The following NFIA variants were observed in gnomAD, a reference collection of about 807,000 sequenced individuals.
The protein encoded by NFIA is nuclear factor 1 A-type.
Under a neutral mutation model 62.8 loss-of-function variants are expected in NFIA, and 8 were observed. The observed-to-expected ratio is 0.13, with a 90% CI of 0.07 to 0.23. NFIA has a LOEUF of 0.23. NFIA is among the 10% of genes least tolerant of loss of function. NFIA has a pLI of 1.00. For missense variants in NFIA, 410 were observed against 642.1 expected (o/e 0.64, Z 3.91); for synonymous variants, 235 against 238.1 (o/e 0.99, Z 0.12).
In NFIA at chr1:61,406,617, T is replaced by TGCCACG; in HGVS notation, c.1315_1316insGGCCAC (p.Pro438_Pro439insArgPro). 2 of 1,429,042 alleles carry TGCCACG rather than the reference T, an allele frequency of 1.4e-6. No individual in the cohort carries two copies. Among genetic ancestry groups the TGCCACG allele is most frequent in the Non-Finnish European group, 1.9e-6 (2 of 1,065,282 alleles). 88.5% of individuals were successfully genotyped at this position (1,429,042 alleles called of 1,614,324 possible). On this transcript the variant is annotated inframe_insertion, in exon 9 of 11. Coordinates refer to ENST00000403491, the MANE Select transcript of NFIA (RefSeq NM_001134673.4). ...AACCCATTCCTTCCCACCCCAATGT[T>TGCCACG]GCCACCGCCACCGCCACCACCGATG...
rs376292710 is a variant in NFIA, at chr1:61,362,902, T to C, written c.946+3628T>C. 1.1e-4 allele frequency among the ~76,000 whole-genome samples: 16 copies of C among 152,304 alleles called. No individual in the cohort carries two copies. The South Asian group carries it at 2.7e-3, about 26-fold the overall frequency. On this transcript the variant is annotated intron_variant, in intron 6 of 10. Transcript: ENST00000403491. ...TGCACATATCATCAACTCTTGTTTA[T>C]CTGTACAAATGAAGAATTACAGAGA...
In NFIA at chr1:61,220,897, C is replaced by G. The variant is rs567714287; in HGVS notation, c.560-56623C>G. Among the ~76,000 whole-genome samples, 3 of 152,252 alleles carry G rather than the reference C, an allele frequency of 2.0e-5. No homozygotes were observed. The East Asian group carries it at 5.8e-4, about 29-fold the overall frequency. On this transcript the variant is annotated intron_variant, in intron 2 of 10. Coordinates refer to ENST00000403491, the MANE Select transcript of NFIA (RefSeq NM_001134673.4). Reference sequence around the variant, plus strand: ...TCTTCTGTTGGCTGAAGGTATAAAACAAATAAATATAAATCCACATGTTAA... The same window carrying G: ...TCTTCTGTTGGCTGAAGGTATAAAAGAAATAAATATAAATCCACATGTTAA...
chr1:61,226,697 A>G (rs1654357025), intron 2 of NFIA, among the ~76,000 whole-genome samples: 1 of 152,144 alleles, frequency 6.6e-6, no homozygotes, highest in Admixed American at 6.5e-5. Context: ...CATCAGACAG[A>G]TATTATTAAA....
intron 2 of NFIA, 148 bp from the exon 3 acceptor site, chr1:61,277,372 C>T (rs966987927): frequency 1.4e-6 from 1 of 718,210 alleles, no homozygotes. Context: ...TTTCTCTTTC[C>T]ATCTTTTCTT....
At position 61,118,778 on chromosome 1, in the gene NFIA, G is replaced by T. The variant is rs370367645; in HGVS notation, c.559+30098G>T. 2.1e-4 allele frequency among the ~76,000 whole-genome samples: 32 copies of T among 151,972 alleles called. No homozygotes were observed. In the East Asian group the frequency reaches 4.3e-3, roughly 20 times the overall value. On this transcript the variant is annotated intron_variant, in intron 2 of 10. Coordinates refer to ENST00000403491, the MANE Select transcript of NFIA (RefSeq NM_001134673.4). The stretch of plus-strand genomic sequence containing the variant: ...TGACCTAAATAAAGTTCATATTGGC[G>T]GGAGAGCAGCTTGCCACAGGGTTAC...
chr1:61,359,007 C>T, intron 5 of NFIA, 140 bp from the exon 6 acceptor site: 1 of 1,201,924 alleles, frequency 8.3e-7, no homozygotes, highest in Non-Finnish European at 1.2e-6. Context: ...CCAGACTGAA[C>T]AGAAGTTTAA....
intron 2 of NFIA, among the ~76,000 whole-genome samples, chr1:61,243,708 G>A (rs1189303915): frequency 1.3e-5 from 2 of 152,164 alleles, no homozygotes; most frequent in South Asian, 2.1e-4. Flanking sequence ...ATTGCCTGAA[G>A]CATGACAAAA....
At chr1:61,448,348 GA>G (rs1479898661) in intron 10 of NFIA, among the ~76,000 whole-genome samples, 5 of 152,170 alleles carry the variant, frequency 3.3e-5, no homozygotes, top group African/African-American at 1.2e-4. Context: ...TGGGGAAATG[GA>G]ATTGACGCAG....
chr1:61,230,342 G>A (rs561664109), intron 2 of NFIA, among the ~76,000 whole-genome samples: 18 of 152,276 alleles, frequency 1.2e-4, no homozygotes, highest in Admixed American at 8.5e-4. Context: ...TGAATTATGA[G>A]AGTTATATGA....
intron 3 of NFIA, among the ~76,000 whole-genome samples, chr1:61,296,128 A>G (rs1002465157): frequency 1.2e-4 from 18 of 152,328 alleles, no homozygotes; most frequent in African/African-American, 4.3e-4. Flanking sequence ...AAGATTTTCA[A>G]ACATAATCTT....
intron 4 of NFIA, among the ~76,000 whole-genome samples, chr1:61,333,858 G>C (rs551009777): frequency 6.6e-6 from 1 of 152,140 alleles, no homozygotes; most frequent in South Asian, 2.1e-4. Flanking sequence ...AGATTAGCTG[G>C]GCATGGTGGT....
chr1:61,331,438 G>A (rs1395951512), intron 3 of NFIA, among the ~76,000 whole-genome samples: 1 of 152,078 alleles, frequency 6.6e-6, no homozygotes, highest in Non-Finnish European at 1.5e-5. Context: ...CCTCAGTATT[G>A]TATGAAATCT....
At chr1:61,407,825 T>C (rs997124472) in intron 9 of NFIA, among the ~76,000 whole-genome samples, 6 of 152,030 alleles carry the variant, frequency 3.9e-5, no homozygotes, top group African/African-American at 1.2e-4. Flanking sequence ...GAACGGGACA[T>C]GGTGGGGAGT....
rs201591191 is a variant in NFIA, at chr1:61,406,550, C to A, written c.1255-12C>A. On this transcript the variant is annotated splice_polypyrimidine_tract_variant and intron_variant, in intron 8 of 10. Coordinates refer to ENST00000403491, the MANE Select transcript of NFIA (RefSeq NM_001134673.4). ...CTTGTACGTGTGTTTTCTGCCCCCC[C>A]CCCCCCCACAGCCCAATGGGAGCAG... is the stretch of plus-strand genomic sequence containing the variant. The A allele has an allele frequency of 5.8e-5, 65 of 1,113,290 alleles. 8 individuals carry two copies. The highest frequency in any genetic ancestry group is 2.4e-4 in the East Asian group (6 of 25,010). 69.0% of individuals were successfully genotyped at this position (1,113,290 alleles called of 1,614,324 possible). A position where few individuals can be genotyped will look rare whatever the true frequency, so the allele number is the denominator to read the frequency against.
intron 2 of NFIA, among the ~76,000 whole-genome samples, chr1:61,222,534 AAAG>A (rs1366050670): frequency 6.6e-6 from 1 of 152,092 alleles, no homozygotes; most frequent in East Asian, 1.9e-4. Context: ...TAACTTAGGA[AAAG>A]AAGAGAATTG....
intron 3 of NFIA, among the ~76,000 whole-genome samples, chr1:61,323,828 T>C (rs566003722): frequency 2.9e-4 from 44 of 152,266 alleles, no homozygotes; most frequent in African/African-American, 1.0e-3. Context: ...TAAATAAATA[T>C]TTATTACACA....
At chr1:61,236,479 C>T (rs1376309750) in intron 2 of NFIA, among the ~76,000 whole-genome samples, 2 of 152,106 alleles carry the variant, frequency 1.3e-5, no homozygotes, top group African/African-American at 4.8e-5. Context: ...CACATCTAAA[C>T]CCCAAATCAT....
intron 7 of NFIA, among the ~76,000 whole-genome samples, chr1:61,402,807 A>G (rs1291012614): frequency 6.6e-6 from 1 of 152,172 alleles, no homozygotes; most frequent in Non-Finnish European, 1.5e-5. Flanking sequence ...CCAATCGCCC[A>G]TTTCCAGTCT....
intron 2 of NFIA, among the ~76,000 whole-genome samples, chr1:61,178,133 A>G (rs1254142737): frequency 6.6e-6 from 1 of 152,200 alleles, no homozygotes; most frequent in African/African-American, 2.4e-5. Flanking sequence ...AAATTTGCCA[A>G]GGTCAGCTGA....
Sources: allele counts gnomAD v4.1 joint callset (sites outside exome capture counted in the v4.1 genomes callset), GRCh38; gene constraint gnomAD v4.1.1; transcripts MANE v1.5; gene names NCBI Gene and HGNC (gene_info 2026-07-23, HGNC 2026-07-21).